PUS7L: variants seen among roughly 807,000 people sequenced by gnomAD.
PUS7L encodes pseudouridine synthase 7 like.
PUS7L carries 49 observed loss-of-function variants against 51.1 expected under a neutral mutation model. That is an observed-to-expected ratio of 0.96 (90% CI 0.76 to 1.22). PUS7L has a LOEUF of 1.22. PUS7L is among the 50% of genes most tolerant of loss of function. The pLI, the probability that PUS7L is intolerant of heterozygous loss-of-function variation, is 0.00. For missense variants in PUS7L, 828 were observed against 820.6 expected, an observed-to-expected ratio of 1.01 and a Z score of -0.11; for synonymous variants, 277 against 276.2, an observed-to-expected ratio of 1.00 and a Z score of -0.03.
intron 8 of PUS7L, among the ~76,000 whole-genome samples, chr12:43,730,960 G>A (rs74085316): frequency 0.064 from 9,700 of 152,150 alleles, 311 homozygotes; most frequent in Middle Eastern, 0.16. Flanking sequence ...ACAATCCACT[G>A]TTTAAGAAGT....
rs771758433 is a variant in PUS7L, at chr12:43,754,479, A to G, written c.767T>C (p.Leu256Pro). Reference protein sequence around the residue: ...HHFVNKKFGNLVETKSFSKMN... With the variant: ...HHFVNKKFGNPVETKSFSKMN... ...TTTAGAAAAAGATTTGGTTTCCACA[A>G]GGTTTCCAAACTTTTTGTTGACAAA... is the stretch of plus-strand genomic sequence containing the variant. Residue 256 changes from leucine to proline, a missense_variant, in exon 2 of 9, where the codon CTT (leucine) becomes CCT (proline). Leu to Pro is a moderately conservative substitution (Grantham distance 98). Coordinates refer to ENST00000344862, the MANE Select transcript of PUS7L (RefSeq NM_031292.5). 6 of 1,613,974 alleles carry G rather than the reference A, an allele frequency of 3.7e-6. No homozygotes were observed. The South Asian group carries it at 4.4e-5, about 12-fold the overall frequency.
Position 43,754,682 on chromosome 12 carries a change from A to T in PUS7L, c.564T>A (p.Thr188=). 6.2e-7 allele frequency: 1 copy of T among 1,613,784 alleles called. No individual in the cohort carries two copies. Among genetic ancestry groups the T allele is most frequent in the Non-Finnish European group, 8.5e-7 (1 of 1,179,786 alleles). ...AIRQKFPFLV[T]VGKNSEIVVK... ...CAACAATTTCACTGTTTTTTCCTACAGTTACTAAAAATGGAAATTTCTGCC... is the reference window on the plus strand; with the variant it reads ...CAACAATTTCACTGTTTTTTCCTACTGTTACTAAAAATGGAAATTTCTGCC... The change falls in exon 2 of 9, where the codon ACT becomes ACA. Residue 188 remains threonine, a synonymous_variant. Coordinates refer to ENST00000344862, the MANE Select transcript of PUS7L (RefSeq NM_031292.5).
chr12:43,743,624 G>A (rs1378465466), intron 4 of PUS7L, among the ~76,000 whole-genome samples: 4 of 152,200 alleles, frequency 2.6e-5, no homozygotes, highest in Non-Finnish European at 4.4e-5. Context: ...TTAGCTGGGC[G>A]TGGTGGCGGG....
At chr12:43,758,670 CACACA>C in intron 1 of PUS7L, 55 bp downstream of exon 1, 1 of 425,072 alleles carries the variant, frequency 2.4e-6, no homozygotes, top group Non-Finnish European at 2.7e-6. Context: ...CCCCCCCACA[CACACA>C]CACACACACA....
rs761463969 is a variant in PUS7L, at chr12:43,754,404, C to T, written c.842G>A (p.Arg281Gln). 1.7e-5 allele frequency: 28 copies of T among 1,611,770 alleles called. No homozygotes were observed. The highest frequency in any genetic ancestry group is 1.5e-4 in the African/African-American group (11 of 74,734). ...TTTCCCACGTTTGTGTGCTTTTTCC[C>T]GAAATCTTACTGTTACCACCACATT... ...NPNVVVTVRF[R>Q]EKAHKRGKRP... is the part of the protein sequence containing the mutation. Residue 281 changes from arginine to glutamine, a missense_variant, in exon 2 of 9, where the codon CGG (arginine) becomes CAG (glutamine). By Grantham distance (43) the Arg-to-Gln change is conservative (BLOSUM62 1). Coordinates refer to ENST00000344862, the MANE Select transcript of PUS7L (RefSeq NM_031292.5).
Position 43,723,441 on chromosome 12 carries a change from G to A in PUS7L, c.*6935C>T, listed in dbSNP as rs1006027634. 6.6e-6 allele frequency: 1 copy of A among 152,108 alleles called. No individual in the cohort carries two copies. Among genetic ancestry groups the A allele is most frequent in the African/African-American group, 2.4e-5 (1 of 41,440 alleles). The allele number at this position is 152,108 out of a possible 1,614,324, so 9.4% of individuals were successfully genotyped here. On this transcript the variant is annotated 3_prime_UTR_variant, in exon 9 of 9. Transcript: ENST00000344862. ...GAAATGCTAAATAAGTATCATTTAAGGATTTAGAATGGAGTGCTGAGAGGT... is the reference window on the plus strand; with the variant it reads ...GAAATGCTAAATAAGTATCATTTAAAGATTTAGAATGGAGTGCTGAGAGGT...
At chr12:43,753,569 A>T (rs1938555078) in intron 2 of PUS7L, among the ~76,000 whole-genome samples, 1 of 152,158 alleles carries the variant, frequency 6.6e-6, no homozygotes, top group Non-Finnish European at 1.5e-5. Context: ...ATTAAATATG[A>T]TCATCTGAAA....
Position 43,755,041 on chromosome 12 carries a change from T to C in PUS7L, c.205A>G (p.Lys69Glu). ...TTTTGAAGATCTAGTTTTGGTTTTT[T>C]GGGAAAATTATTTGGCTCAAGTTGT... ...EIQLEPNNFP[K>E]KPKLDLQNLS... The change falls in exon 2 of 9, where the codon AAA (lysine) becomes GAA (glutamate). Residue 69 changes from lysine to glutamate, a missense_variant. Coordinates refer to ENST00000344862, the MANE Select transcript of PUS7L (RefSeq NM_031292.5). The C allele has an allele frequency of 1.2e-6, 2 of 1,613,072 alleles. No individual in the cohort carries two copies. Among genetic ancestry groups the C allele is most frequent in the African/African-American group, 1.3e-5 (1 of 74,952 alleles).
At position 43,749,694 on chromosome 12, in the gene PUS7L, C is replaced by T. The variant is rs181820211; in HGVS notation, c.911-1085G>A. On this transcript the variant is annotated intron_variant, in intron 2 of 8. Transcript: ENST00000344862. ...CAAAGAAAAAAAGGTGGTACATATA[C>T]ACCATGAAATACTACACAGCCACTA... Among the ~76,000 whole-genome samples the T allele has an allele frequency of 3.6e-3, 550 of 152,206 alleles. 2 individuals are homozygous for T. Among genetic ancestry groups the T allele is most frequent in the Middle Eastern group, 0.031 (9 of 294 alleles).
rs1430219443 is a variant in PUS7L at position 43,726,474 on chromosome 12, CAAAAGACCTAACAAAGAT to C, written c.*3884_*3901del. ...AAAACCTAGGAAATATCATTCTGGA[CAAAAGACCTAACAAAGAT>C]ATCATGACAGACTCCAAAAGCAACT... On this transcript the variant is annotated 3_prime_UTR_variant, in exon 9 of 9. Coordinates refer to ENST00000344862, the MANE Select transcript of PUS7L (RefSeq NM_031292.5). 2 of 140,788 alleles carry C rather than the reference CAAAAGACCTAACAAAGAT, an allele frequency of 1.4e-5. No individual in the cohort carries two copies. Among genetic ancestry groups the C allele is most frequent in the Admixed American group, 7.2e-5 (1 of 13,834 alleles). The allele number at this position is 140,788 out of a possible 1,614,324, so 8.7% of individuals were successfully genotyped here.
chr12:43,756,813 G>T (rs1938719913), intron 1 of PUS7L, among the ~76,000 whole-genome samples: 1 of 152,082 alleles, frequency 6.6e-6, no homozygotes, highest in Admixed American at 6.6e-5. Context: ...TATTGTGAAG[G>T]TCCCTAACTC....
At chr12:43,732,571 T>A (rs1298523701) in intron 7 of PUS7L, among the ~76,000 whole-genome samples, 1 of 152,200 alleles carries the variant, frequency 6.6e-6, no homozygotes, top group Non-Finnish European at 1.5e-5. Context: ...CTCTATGAAA[T>A]GTGGCTCTAG....
rs533819841 is a variant in PUS7L at position 43,723,768 on chromosome 12, A to T, written c.*6608T>A. ...CATAAATCAGAGGGCTTAGAAAAACAGATTAAAACAGTACTATAAGAGAAT... is the reference window on the plus strand; with the variant it reads ...CATAAATCAGAGGGCTTAGAAAAACTGATTAAAACAGTACTATAAGAGAAT... On this transcript the variant is annotated 3_prime_UTR_variant, in exon 9 of 9. Coordinates refer to ENST00000344862, the MANE Select transcript of PUS7L (RefSeq NM_031292.5). The T allele has an allele frequency of 6.6e-6, 1 of 152,102 alleles. No homozygotes were observed. Among genetic ancestry groups the T allele is most frequent in the East Asian group, 1.9e-4 (1 of 5,200 alleles). 9.4% of individuals were successfully genotyped at this position (152,102 alleles called of 1,614,324 possible). A position where few individuals can be genotyped will look rare whatever the true frequency, so the allele number is the denominator to read the frequency against.
intron 1 of PUS7L, among the ~76,000 whole-genome samples, chr12:43,757,587 G>A (rs144953878): frequency 1.1e-4 from 17 of 152,312 alleles, no homozygotes; most frequent in African/African-American, 3.4e-4. Flanking sequence ...CACGTGAGGA[G>A]TAACCTTGTC....
intron 2 of PUS7L, among the ~76,000 whole-genome samples, chr12:43,750,017 C>T (rs1462167927): frequency 6.6e-6 from 1 of 152,172 alleles, no homozygotes; most frequent in African/African-American, 2.4e-5. Context: ...TTGTAACAAA[C>T]CTGCACATGT....
intron 3 of PUS7L, among the ~76,000 whole-genome samples, chr12:43,747,621 G>A (rs1938233796): frequency 6.6e-6 from 1 of 152,038 alleles, no homozygotes; most frequent in Non-Finnish European, 1.5e-5. Flanking sequence ...TTGAACTTGG[G>A]AGGTAGAGAT....
intron 1 of PUS7L, among the ~76,000 whole-genome samples, chr12:43,755,644 C>T (rs1306922359): frequency 6.6e-6 from 1 of 152,026 alleles, no homozygotes; most frequent in African/African-American, 2.4e-5. Context: ...ATTCCTGGAG[C>T]CTAAAATTTC....
chr12:43,757,318 G>A (rs541088555), intron 1 of PUS7L, among the ~76,000 whole-genome samples: 10 of 152,052 alleles, frequency 6.6e-5, no homozygotes, highest in East Asian at 5.8e-4. Flanking sequence ...CCACAGGGGC[G>A]CGCCACCACG....
Position 43,754,772 on chromosome 12 carries a change from A to C in PUS7L, c.474T>G (p.Pro158=). 1 of 1,613,928 alleles carries C rather than the reference A, an allele frequency of 6.2e-7. No homozygotes were observed. The highest frequency in any genetic ancestry group is 8.5e-7 in the Non-Finnish European group (1 of 1,179,888). Residue 158 remains proline, a synonymous_variant, in exon 2 of 9, where the codon CCT becomes CCG. Transcript: ENST00000344862. ...WLSKTELIGL[P]PEFSIGRILD... ...GGATTCTGCCTATTGAGAATTCAGG[A>C]GGTAGTCCAATTAGCTCTGTTTTAG...
Sources: allele counts gnomAD v4.1 joint callset (sites outside exome capture counted in the v4.1 genomes callset), GRCh38; gene constraint gnomAD v4.1.1; transcripts MANE v1.5; gene names NCBI Gene and HGNC (gene_info 2026-07-23, HGNC 2026-07-21).